The following NPIPB2 variants were observed in gnomAD, a reference collection of about 807,000 sequenced individuals.
NPIPB2 encodes the protein nuclear pore complex interacting protein family member B2, also known as nuclear pore complex-interacting protein family member B2.
Under a neutral mutation model 30.8 loss-of-function variants are expected in NPIPB2, and 27 were observed. The ratio of observed to expected loss-of-function variants is 0.88; its 90% CI spans 0.65 to 1.21. The LOEUF is 1.21. NPIPB2 is among the 50% of genes most tolerant of loss of function. The pLI is 0.00. For synonymous variants in NPIPB2, 147 were observed against 162.0 expected, an observed-to-expected ratio of 0.91 and a Z score of 0.70; for missense variants, 440 against 446.2, an observed-to-expected ratio of 0.99 and a Z score of 0.13.
At chr16:11,967,820 G>T in intron 1 of NPIPB2, 4 of 1,613,998 alleles carry the variant, frequency 2.5e-6, no homozygotes, top group South Asian at 1.1e-5. Flanking sequence ...GTGCTACGGA[G>T]ATAGAGAAAT....
chr16:11,959,075 C>G (rs1436883413), intron 1 of NPIPB2, among the ~76,000 whole-genome samples: 1 of 152,130 alleles, frequency 6.6e-6, no homozygotes, highest in Non-Finnish European at 1.5e-5. Context: ...GGGGCTCGGG[C>G]CGTGGCAGAA....
At position 11,975,144 on chromosome 16, in the gene NPIPB2, T is replaced by TTC. The variant is rs1259310134; in HGVS notation, c.-584+1423_-584+1424insGA. ...GTGTTCACACTCAATCCATCACCTT[T>TTC]TTTTTTTTTTTTTTTTTTTTTGAGA... On this transcript the variant is annotated intron_variant, in intron 1 of 5. Transcript: ENST00000538896. Among the ~76,000 whole-genome samples, 19 of 53,824 alleles carry TTC rather than the reference T, an allele frequency of 3.5e-4. 1 individual carries two copies. Among genetic ancestry groups the TTC allele is most frequent in the South Asian group, 8.0e-4 (1 of 1,252 alleles). 35.3% of individuals were successfully genotyped at this position (53,824 alleles called of 152,430 possible).
intron 1 of NPIPB2, among the ~76,000 whole-genome samples, chr16:11,964,417 ATT>A (rs879936722): frequency 1.4e-5 from 2 of 144,106 alleles, no homozygotes; most frequent in African/African-American, 2.5e-5. Flanking sequence ...TTCCTGTAGA[ATT>A]TTTTTTTTTT....
At chr16:11,932,459 T>G (rs1236104494) in intron 4 of NPIPB2, among the ~76,000 whole-genome samples, 3 of 151,536 alleles carry the variant, frequency 2.0e-5, no homozygotes, top group Admixed American at 6.6e-5. Flanking sequence ...CTGGCCAACA[T>G]GGTGAACCCC....
chr16:11,947,320 A>ATTTATT (rs1555509091), intron 1 of NPIPB2, among the ~76,000 whole-genome samples: 6 of 58,672 alleles, frequency 1.0e-4, no homozygotes, highest in Non-Finnish European at 2.5e-4. Context: ...TTATTTATTT[A>ATTTATT]TTTATATATA....
upstream of NPIPB2, among the ~76,000 whole-genome samples, chr16:11,947,016 C>G (rs1567471798): frequency 2.1e-5 from 3 of 140,880 alleles, no homozygotes; most frequent in East Asian, 6.2e-4. Context: ...CCCACCTTGA[C>G]CAGCCTAAAT....
At chr16:11,950,852 T>C (rs1452231089) in intron 1 of NPIPB2, among the ~76,000 whole-genome samples, 2 of 152,160 alleles carry the variant, frequency 1.3e-5, no homozygotes, top group African/African-American at 4.8e-5. Flanking sequence ...CTTATTTCTC[T>C]GTATGTTCTC....
intron 1 of NPIPB2, among the ~76,000 whole-genome samples, chr16:11,953,712 A>ATT (rs36103994): frequency 0.013 from 958 of 75,498 alleles, 23 homozygotes; most frequent in African/African-American, 0.042. Context: ...ATTTACTTTA[A>ATT]TTTTTTTTTT....
chr16:11,967,962 TCTAA>T, intron 1 of NPIPB2: 1 of 1,196,944 alleles, frequency 8.4e-7, no homozygotes, highest in Non-Finnish European at 1.2e-6. Context: ...CTTTTTGTCC[TCTAA>T]CTGTGGAAAC....
intron 1 of NPIPB2, chr16:11,965,193 C>T (rs535227540): frequency 1.0e-5 from 12 of 1,201,894 alleles, no homozygotes; most frequent in Admixed American, 4.3e-5. Context: ...TAAGAACCCA[C>T]GAAGCAGGCG....
intron 1 of NPIPB2, among the ~76,000 whole-genome samples, chr16:11,947,150 C>T (rs929198895): frequency 3.2e-4 from 47 of 146,776 alleles, no homozygotes; most frequent in Non-Finnish European, 6.8e-4. Flanking sequence ...GATGGAGTCT[C>T]ACTATGATGC....
chr16:11,938,718 T>C (rs1363245619), intron 1 of NPIPB2, among the ~76,000 whole-genome samples: 4 of 152,126 alleles, frequency 2.6e-5, no homozygotes, highest in Non-Finnish European at 5.9e-5. Flanking sequence ...CCGTCACTCA[T>C]GGGTAAGACA....
upstream of NPIPB2, among the ~76,000 whole-genome samples, chr16:11,942,578 G>A (rs2054954672): frequency 6.6e-6 from 1 of 152,084 alleles, no homozygotes; most frequent in Admixed American, 6.6e-5. Context: ...CCCAAATGAG[G>A]GGGAGAAAAC....
intron 1 of NPIPB2, chr16:11,941,033 A>C: frequency 1.1e-6 from 1 of 894,624 alleles, no homozygotes; most frequent in Non-Finnish European, 1.5e-6. Context: ...GCTAGTCTTC[A>C]ACTCCTGGAC....
intron 1 of NPIPB2, among the ~76,000 whole-genome samples, chr16:11,964,657 C>T (rs1427989494): frequency 6.6e-6 from 1 of 152,146 alleles, no homozygotes; most frequent in African/African-American, 2.4e-5. Flanking sequence ...TCAAGTGATC[C>T]ACCTGCCTCG....
rs1596508251 is a variant in NPIPB2, at chr16:11,968,034, C to G, written c.-584+8534G>C. ...GTTGGGAGCTTAATGGTAGAAACTT[C>G]CTTGGTTTCATGATTAAACTCTTTT... is the stretch of plus-strand genomic sequence containing the variant. On this transcript the variant is annotated intron_variant, in intron 1 of 5. Coordinates refer to the NPIPB2 transcript ENST00000538896. 19 of 640,758 alleles carry G rather than the reference C, an allele frequency of 3.0e-5. 1 individual carries two copies. The East Asian group carries it at 5.8e-4, about 19-fold the overall frequency. The allele number at this position is 640,758 out of a possible 1,614,324, so 39.7% of individuals were successfully genotyped here.
intron 1 of NPIPB2, among the ~76,000 whole-genome samples, chr16:11,962,655 G>T (rs1479544874): frequency 6.6e-6 from 1 of 150,970 alleles, no homozygotes; most frequent in Non-Finnish European, 1.5e-5. Context: ...AAGACTGACA[G>T]TAATTACTGC....
At chr16:11,975,738 A>T (rs955359619) in intron 1 of NPIPB2, among the ~76,000 whole-genome samples, 1 of 151,656 alleles carries the variant, frequency 6.6e-6, no homozygotes, top group Admixed American at 6.6e-5. Context: ...CTACAGGCGC[A>T]CGCCACCATG....
chr16:11,952,402 T>C (rs979895854), intron 1 of NPIPB2, among the ~76,000 whole-genome samples: 64 of 152,026 alleles, frequency 4.2e-4, no homozygotes, highest in African/African-American at 1.5e-3. Flanking sequence ...CAACAGTCTA[T>C]CTTAGCAGGT....
Sources: allele counts gnomAD v4.1 joint callset (sites outside exome capture counted in the v4.1 genomes callset), GRCh38; gene constraint gnomAD v4.1.1; transcripts MANE v1.5; gene names NCBI Gene and HGNC (gene_info 2026-07-23, HGNC 2026-07-21).